PRDM10: variants seen among roughly 807,000 people sequenced by gnomAD.
PRDM10 encodes the protein PR/SET domain 10, also known as PR domain zinc finger protein 10.
In PRDM10, 65 loss-of-function variants were observed where a neutral mutation model predicts 133.1. The ratio of observed to expected loss-of-function variants is 0.49; its 90% CI spans 0.40 to 0.60. The LOEUF (loss-of-function observed/expected upper bound fraction) is 0.60. PRDM10 is among the 20% of genes least tolerant of loss of function. The pLI, the probability that PRDM10 is intolerant of heterozygous loss-of-function variation, is 0.00. For missense variants in PRDM10, 1,137 were observed against 1,507.1 expected, an observed-to-expected ratio of 0.75 and a Z score of 4.07; for synonymous variants, 582 against 580.4, an observed-to-expected ratio of 1.00 and a Z score of -0.04.
intron 13 of PRDM10, among the ~76,000 whole-genome samples, chr11:129,922,670 T>C (rs1431521975): frequency 6.6e-6 from 1 of 152,240 alleles, no homozygotes; most frequent in Non-Finnish European, 1.5e-5. Flanking sequence ...GCATATTTCA[T>C]TGTTTTTACA....
chr11:129,925,146 C>T lies in PRDM10; in HGVS notation c.1614G>A (p.Lys538=). The part of the protein sequence containing the change: ...CLQCGKAFRE[K]DKLDQHLRFH... ...AGCGTAAGTGCTGGTCCAGTTTGTC[C>T]TTTTCCCGGAAGGCCTTCCCACACT... Residue 538 remains lysine (K), a synonymous_variant, in exon 12 of 21, where the codon AAG becomes AAA. Coordinates refer to ENST00000360871, the MANE Select transcript of PRDM10 (RefSeq NM_199437.2). 1.2e-6 allele frequency: 2 copies of T among 1,614,228 alleles called. No homozygotes were observed. Among genetic ancestry groups the T allele is most frequent in the Non-Finnish European group, 8.5e-7 (1 of 1,180,032 alleles).
At position 130,002,779 on chromosome 11, in the gene PRDM10, G is replaced by A. The variant is rs1217644174; in HGVS notation, c.-176C>T. 4.7e-6 allele frequency: 1 copy of A among 214,200 alleles called. No individual in the cohort carries two copies. Among genetic ancestry groups the A allele is most frequent in the Non-Finnish European group, 9.6e-6 (1 of 103,862 alleles). 13.3% of individuals were successfully genotyped at this position (214,200 alleles called of 1,614,324 possible). Reference sequence around the variant, plus strand: ...CGGGTCCCCGATCCTCTCTCCCTAGGGGTGATAGAAATCAACCCCCCCCGC... The same window carrying A: ...CGGGTCCCCGATCCTCTCTCCCTAGAGGTGATAGAAATCAACCCCCCCCGC... On this transcript the variant is annotated 5_prime_UTR_variant, in exon 1 of 21. Coordinates refer to ENST00000360871, the MANE Select transcript of PRDM10 (RefSeq NM_199437.2).
chr11:129,996,042 A>G (rs952770074), intron 1 of PRDM10, among the ~76,000 whole-genome samples: 7 of 152,198 alleles, frequency 4.6e-5, no homozygotes, highest in African/African-American at 1.4e-4. Flanking sequence ...CCCTCAAAAC[A>G]TTTTAGAATC....
chr11:129,944,170 C>T (rs1253423733), intron 6 of PRDM10, among the ~76,000 whole-genome samples: 2 of 152,190 alleles, frequency 1.3e-5, no homozygotes, highest in East Asian at 3.9e-4. Flanking sequence ...TCTCAAACTT[C>T]CAGCTTCCGG....
At chr11:129,931,324 T>A in intron 10 of PRDM10, 66 bp from the exon 11 acceptor site, 1 of 1,524,314 alleles carries the variant, frequency 6.6e-7, no homozygotes, top group Non-Finnish European at 8.9e-7. Flanking sequence ...GATTTAGAAT[T>A]GCTGCTTATT....
intron 17 of PRDM10, 136 bp downstream of exon 17, chr11:129,914,568 G>C (rs1313945132): frequency 1.7e-6 from 2 of 1,168,340 alleles, no homozygotes; most frequent in Non-Finnish European, 2.5e-6. Flanking sequence ...AAGGGGAAGG[G>C]GCAGTTGTAA....
At chr11:129,913,588 T>C (rs142826478) in intron 17 of PRDM10, among the ~76,000 whole-genome samples, 155 of 152,344 alleles carry the variant, frequency 1.0e-3, no homozygotes, top group Middle Eastern at 6.8e-3. Context: ...TAACCTTTTA[T>C]ATATCATAAA....
chr11:129,918,245 T>G lies in PRDM10; in HGVS notation c.2214+294A>C, dbSNP rs11221899. ...ACTAAAATAAGGTGAGAGCAGAGAT[T>G]GAGATGGGTAAAGAAAAACAAAAGT... On this transcript the variant is annotated intron_variant, in intron 14 of 20. Transcript: ENST00000360871. The surrounding 1 kb of genome is among the most constrained non-coding windows in gnomAD (Gnocchi z 5.3). 6.7e-6 allele frequency among the ~76,000 whole-genome samples: 1 copy of G among 149,250 alleles called. No individual in the cohort carries two copies. The highest frequency in any genetic ancestry group is 1.5e-5 in the Non-Finnish European group (1 of 67,282).
At chr11:129,937,721 T>C in intron 7 of PRDM10, 51 bp from the exon 8 acceptor site, 3 of 1,477,646 alleles carry the variant, frequency 2.0e-6, no homozygotes, top group Non-Finnish European at 2.8e-6. Flanking sequence ...CCAGATGTTC[T>C]TTGCATGCTT....
At chr11:129,959,737 G>A (rs1951759869) in intron 2 of PRDM10, among the ~76,000 whole-genome samples, 3 of 152,256 alleles carry the variant, frequency 2.0e-5, no homozygotes, top group Admixed American at 1.3e-4. Context: ...ATACTCTGCT[G>A]AAACATCAGT....
At chr11:129,904,336 T>G (rs1949944186) in intron 20 of PRDM10, among the ~76,000 whole-genome samples, 1 of 152,104 alleles carries the variant, frequency 6.6e-6, no homozygotes, top group African/African-American at 2.4e-5. Context: ...ATTAAACAAA[T>G]CAACCTGATT....
chr11:129,985,420 G>A (rs866214206), intron 1 of PRDM10, among the ~76,000 whole-genome samples: 1 of 152,072 alleles, frequency 6.6e-6, no homozygotes, highest in Non-Finnish European at 1.5e-5. Flanking sequence ...ACTGTCAAGG[G>A]ACATGGAACT....
chr11:129,927,175 TCAAAAAAAAAAAAAAAA>T (rs1259734517), intron 11 of PRDM10, among the ~76,000 whole-genome samples: 2 of 39,176 alleles, frequency 5.1e-5, no homozygotes, highest in African/African-American at 2.4e-4. Context: ...AGACTCTGTC[TCAAAAAAAAAAAAAAAA>T]AAAAAAAAAA....
intron 17 of PRDM10, chr11:129,914,461 A>T: frequency 1.7e-6 from 1 of 581,326 alleles, no homozygotes; most frequent in Non-Finnish European, 3.1e-6. Context: ...GTCCTGCCAC[A>T]GCACAGGAGG....
chr11:129,990,215 G>A (rs1938652369), intron 1 of PRDM10, among the ~76,000 whole-genome samples: 1 of 151,966 alleles, frequency 6.6e-6, no homozygotes, highest in South Asian at 2.1e-4. Context: ...CATGGGTGGC[G>A]GGTGCCTGTA....
At chr11:129,980,605 C>T (rs577426779) in intron 1 of PRDM10, among the ~76,000 whole-genome samples, 6 of 152,244 alleles carry the variant, frequency 3.9e-5, no homozygotes, top group South Asian at 2.1e-4. Context: ...AATGCATAAA[C>T]GAAATGTGGT....
At position 129,947,517 on chromosome 11, in the gene PRDM10, A is replaced by C; in HGVS notation, c.295-147T>G. On this transcript the variant is annotated intron_variant, in intron 4 of 20. Transcript: ENST00000360871. The surrounding 1 kb of genome is among the most constrained non-coding windows in gnomAD (Gnocchi z 4.6). ...TCCAGGCCCTGGAAAAATGACTTCC[A>C]TCTACCGGCTGTGAGGAAGAGCTGG... 6.6e-7 allele frequency: 1 copy of C among 1,512,142 alleles called. No homozygotes were observed. The highest frequency in any genetic ancestry group is 8.8e-7 in the Non-Finnish European group (1 of 1,132,822). The allele number at this position is 1,512,142 out of a possible 1,614,324, so 93.7% of individuals were successfully genotyped here.
chr11:129,923,686 G>GAGAGAGAGAC lies in PRDM10; in HGVS notation c.1879-284_1879-283insGTCTCTCTCT, dbSNP rs1950589998. Among the ~76,000 whole-genome samples the GAGAGAGAGAC allele has an allele frequency of 6.8e-6, 1 of 146,436 alleles. No homozygotes were observed. The highest frequency in any genetic ancestry group is 1.5e-5 in the Non-Finnish European group (1 of 66,624). On this transcript the variant is annotated intron_variant, in intron 12 of 20. Transcript: ENST00000360871. This position sits in a 1 kb window ranked among gnomAD's most constrained non-coding sequence, Gnocchi z 4.4. Reference sequence around the variant, plus strand: ...AGAGAGAGAGAGAGAGAGAGAGAGAGAGAGAGAGTGCTTGCTTGGTCAAAG... The same window carrying GAGAGAGAGAC: ...AGAGAGAGAGAGAGAGAGAGAGAGAGAGAGAGAGACAGAGAGAGTGCTTGCTTGGTCAAAG...
At position 129,931,235 on chromosome 11, in the gene PRDM10, C is replaced by T. The variant is rs1484005099; in HGVS notation, c.1311G>A (p.Lys437=). The T allele has an allele frequency of 6.2e-7, 1 of 1,613,916 alleles. No homozygotes were observed. The highest frequency in any genetic ancestry group is 8.5e-7 in the Non-Finnish European group (1 of 1,179,888). ...GTQDLLHFPT[K]EQFDEAEPAT... is the part of the protein sequence containing the mutation. ...CTGGTTCAGCCTCATCAAATTGCTC[C>T]TTTGTGGGAAAATGTAGCAAGTCCT... The change falls in exon 11 of 21, where the codon AAG becomes AAA. Residue 437 remains lysine (K), a synonymous_variant. Transcript: ENST00000360871.
Sources: allele counts gnomAD v4.1 joint callset (sites outside exome capture counted in the v4.1 genomes callset), GRCh38; gene constraint gnomAD v4.1.1; non-coding constraint Gnocchi (gnomAD v3.1); transcripts MANE v1.5; gene names NCBI Gene and HGNC (gene_info 2026-07-23, HGNC 2026-07-21).